LSM6: variants seen among roughly 807,000 people sequenced by gnomAD.
The protein encoded by LSM6 is LSM6 homolog, U6 small nuclear RNA and mRNA degradation associated, also known as U6 snRNA-associated Sm-like protein LSm6.
In LSM6, 2 loss-of-function variants were observed where a neutral mutation model predicts 13.5. The observed-to-expected ratio is 0.15, with a 90% CI of 0.06 to 0.47. The LOEUF is 0.47. Among genes scored for constraint, LSM6 ranks in the 20% least tolerant of loss-of-function variants. The probability of loss-of-function intolerance (pLI) is 0.97; values close to 1 mark genes in which losing one functional copy is unlikely to be tolerated. For synonymous variants in LSM6, 43 were observed against 34.9 expected, an observed-to-expected ratio of 1.23 and a Z score of -0.82; for missense variants, 58 against 96.4, an observed-to-expected ratio of 0.60 and a Z score of 1.67.
intron 1 of LSM6, among the ~76,000 whole-genome samples, chr4:146,181,486 A>G (rs958096586): frequency 3.3e-5 from 5 of 152,232 alleles, no homozygotes; most frequent in Admixed American, 2.0e-4. Flanking sequence ...CCAGCTTACT[A>G]CAACTGCTGA....
intron 1 of LSM6, among the ~76,000 whole-genome samples, chr4:146,179,591 A>T (rs1249162978): frequency 2.6e-5 from 4 of 152,244 alleles, no homozygotes; most frequent in African/African-American, 9.6e-5. Context: ...GAATGTAGAT[A>T]TTCTAGAGAA....
chr4:146,179,653 G>C (rs1439954522), intron 1 of LSM6, among the ~76,000 whole-genome samples: 1 of 152,156 alleles, frequency 6.6e-6, no homozygotes, highest in Non-Finnish European at 1.5e-5. Flanking sequence ...AGTATTTTGA[G>C]GGAGAAAAGA....
intron 2 of LSM6, among the ~76,000 whole-genome samples, chr4:146,185,313 A>G (rs1391226650): frequency 6.6e-6 from 1 of 152,042 alleles, no homozygotes. Flanking sequence ...CATTCTACAT[A>G]TATTTTCTTT....
intron 2 of LSM6, 135 bp from the exon 3 acceptor site, chr4:146,187,139 C>G: frequency 6.9e-6 from 4 of 583,160 alleles, no homozygotes. Flanking sequence ...TGTTGAGTTT[C>G]ATTTATGGTG....
chr4:146,186,099 G>C (rs977222387), intron 2 of LSM6, among the ~76,000 whole-genome samples: 2 of 152,166 alleles, frequency 1.3e-5, no homozygotes, highest in African/African-American at 4.8e-5. Context: ...TTGTGCCTCA[G>C]ATTTTTCTTG....
At chr4:146,183,061 A>G (rs539083301) in intron 2 of LSM6, 46 bp downstream of exon 2, 1 of 1,319,218 alleles carries the variant, frequency 7.6e-7, no homozygotes, top group African/African-American at 1.4e-5. Flanking sequence ...TGAATAAGTA[A>G]ATGTGACTTA....
At chr4:146,188,868 A>G (rs1730404957) in intron 3 of LSM6, among the ~76,000 whole-genome samples, 1 of 152,190 alleles carries the variant, frequency 6.6e-6, no homozygotes, top group Admixed American at 6.5e-5. Flanking sequence ...TGTTGCATTT[A>G]AGAAGGTAAA....
Sources: gnomAD v4.1 joint callset for allele counts (sites outside exome capture counted in the v4.1 genomes callset) on GRCh38, gnomAD v4.1.1 for gene constraint, MANE v1.5 for transcripts, NCBI Gene and HGNC (gene_info 2026-07-23, HGNC 2026-07-21) for gene names.